Variants in IQSEC1 observed in about 807,000 individuals in gnomAD.
IQSEC1 encodes IQ motif and Sec7 domain ArfGEF 1.
In IQSEC1, 31 loss-of-function variants were observed where a neutral mutation model predicts 91.0. The observed-to-expected ratio is 0.34, with a 90% CI of 0.26 to 0.46. The LOEUF (loss-of-function observed/expected upper bound fraction) is 0.46. Among genes scored for constraint, IQSEC1 ranks in the 20% least tolerant of loss-of-function variants. The pLI is 1.00. For missense variants in IQSEC1, 1,388 were observed against 1,575.6 expected, an observed-to-expected ratio of 0.88 and a Z score of 2.02; for synonymous variants, 699 against 662.6, an observed-to-expected ratio of 1.05 and a Z score of -0.84.
At chr3:13,134,944 A>C (rs1559262021) in intron 2 of IQSEC1, among the ~76,000 whole-genome samples, 1 of 151,756 alleles carries the variant, frequency 6.6e-6, no homozygotes, top group East Asian at 1.9e-4. Flanking sequence ...GCTGTCCTAC[A>C]CTCTGCAAGG....
chr3:13,200,219 C>T (rs539740103), intron 1 of IQSEC1, among the ~76,000 whole-genome samples: 1 of 150,692 alleles, frequency 6.6e-6, no homozygotes, highest in East Asian at 2.0e-4. Context: ...TATATGCATA[C>T]ACCAGACGTG....
At chr3:13,153,491 C>T (rs1357586447) in intron 2 of IQSEC1, among the ~76,000 whole-genome samples, 1 of 152,180 alleles carries the variant, frequency 6.6e-6, no homozygotes, top group Non-Finnish European at 1.5e-5. Flanking sequence ...AAAGTGCACT[C>T]ATAGAGGGCT....
At chr3:12,915,845 G>T in intron 6 of IQSEC1, 112 bp from the exon 7 acceptor site, 1 of 1,254,146 alleles carries the variant, frequency 8.0e-7, no homozygotes, top group Non-Finnish European at 1.1e-6. Context: ...CAGAACCAAA[G>T]AACTCCCAGG....
chr3:13,232,386 G>C (rs1694853246), intron 1 of IQSEC1, among the ~76,000 whole-genome samples: 1 of 152,228 alleles, frequency 6.6e-6, no homozygotes, highest in Non-Finnish European at 1.5e-5. Context: ...CTAGGTCTCT[G>C]TCCACCTCCC....
At position 13,206,125 on chromosome 3, in the gene IQSEC1, C is replaced by T. The variant is rs939589597; in HGVS notation, c.273-41992G>A. ...TCCACCCATCTAGCTCTCCATCCAT[C>T]CACTCATCAATCCCTCCATCCACCT... On this transcript the variant is annotated intron_variant, in intron 1 of 15. Coordinates refer to the IQSEC1 transcript ENST00000648114. Among the ~76,000 whole-genome samples, 7 of 150,868 alleles carry T rather than the reference C, an allele frequency of 4.6e-5. No individual in the cohort carries two copies. The South Asian group carries it at 8.5e-4, about 18-fold the overall frequency.
At position 13,100,916 on chromosome 3, in the gene IQSEC1, A is replaced by T. The variant is rs1410183462; in HGVS notation, c.303-53394T>A. 1.3e-5 allele frequency among the ~76,000 whole-genome samples: 2 copies of T among 148,636 alleles called. 1 individual carries two copies. Among genetic ancestry groups the T allele is most frequent in the Non-Finnish European group, 3.0e-5 (2 of 67,124 alleles). ...GCTGTGAAGATGAAGAGGGGCGGCC[A>T]GGGAGGGCCTCCCCGAGAGGCAATC... is the stretch of plus-strand genomic sequence containing the variant. On this transcript the variant is annotated intron_variant, in intron 2 of 15. Coordinates refer to the IQSEC1 transcript ENST00000648114.
intron 1 of IQSEC1, among the ~76,000 whole-genome samples, chr3:13,218,224 G>A (rs1174594649): frequency 3.3e-5 from 5 of 152,168 alleles, no homozygotes; most frequent in African/African-American, 4.8e-5. Flanking sequence ...CCAGGTGTGC[G>A]AGGCCTGGGG....
Position 12,909,502 on chromosome 3 carries a change from G to A in IQSEC1, c.2417-68C>T. On this transcript the variant is annotated intron_variant, in intron 10 of 13. Transcript: ENST00000613206. This position sits in a 1 kb window ranked among gnomAD's most constrained non-coding sequence, Gnocchi z 4.9. ...TGTGTTCTCTGCAATCTCCTCTCTG[G>A]TCAGGAAACAATGGTAGGGCTGAGT... 1.4e-6 allele frequency: 2 copies of A among 1,479,718 alleles called. No homozygotes were observed. Among genetic ancestry groups the A allele is most frequent in the Non-Finnish European group, 1.9e-6 (2 of 1,074,326 alleles). The allele number at this position is 1,479,718 out of a possible 1,614,324, so 91.7% of individuals were successfully genotyped here.
chr3:12,931,741 G>A (rs1198708014), intron 3 of IQSEC1, among the ~76,000 whole-genome samples: 2 of 152,216 alleles, frequency 1.3e-5, no homozygotes, highest in Non-Finnish European at 2.9e-5. Context: ...TTCTGCAGTA[G>A]CTCCAGCAGG....
At chr3:12,964,844 C>T (rs191939979) in intron 1 of IQSEC1, among the ~76,000 whole-genome samples, 1 of 150,712 alleles carries the variant, frequency 6.6e-6, no homozygotes, top group East Asian at 1.9e-4. Context: ...CACATGCACA[C>T]ACACATATAC....
intron 1 of IQSEC1, among the ~76,000 whole-genome samples, chr3:13,267,839 G>A (rs920650933): frequency 7.2e-5 from 11 of 151,986 alleles, no homozygotes; most frequent in South Asian, 4.2e-4. Context: ...GGATGGTCTC[G>A]ATCTCCTGAC....
intron 1 of IQSEC1, among the ~76,000 whole-genome samples, chr3:12,999,786 C>G (rs1266098596): frequency 6.6e-6 from 1 of 152,242 alleles, no homozygotes; most frequent in Non-Finnish European, 1.5e-5. Flanking sequence ...AGACACTCTT[C>G]AGGGGACATT....
chr3:12,926,456 A>G (rs1357444634), intron 3 of IQSEC1, among the ~76,000 whole-genome samples: 1 of 152,244 alleles, frequency 6.6e-6, no homozygotes, highest in Non-Finnish European at 1.5e-5. Context: ...GACTGGCTCC[A>G]TGTCCCCTTG....
intron 1 of IQSEC1, among the ~76,000 whole-genome samples, chr3:12,972,014 AAAAC>A (rs56174337): frequency 0.022 from 3,238 of 148,586 alleles, 113 homozygotes; most frequent in African/African-American, 0.073. Flanking sequence ...ACTCCATCTC[AAAAC>A]AAACAAACAA....
intron 1 of IQSEC1, among the ~76,000 whole-genome samples, chr3:12,991,804 C>T (rs1702003000): frequency 1.3e-5 from 2 of 152,200 alleles, no homozygotes; most frequent in African/African-American, 2.4e-5. Flanking sequence ...GGCCTCAGCA[C>T]TCCCCTCTGG....
At chr3:13,136,751 C>T (rs1274299210) in intron 2 of IQSEC1, among the ~76,000 whole-genome samples, 1 of 152,210 alleles carries the variant, frequency 6.6e-6, no homozygotes. Flanking sequence ...AAAAATGAGA[C>T]ATCTCACAGG....
chr3:13,227,327 GATTGCGCCATT>G (rs1430442834), intron 1 of IQSEC1, among the ~76,000 whole-genome samples: 4 of 131,588 alleles, frequency 3.0e-5, no homozygotes, highest in Non-Finnish European at 6.2e-5. Context: ...CGTGAGCCGA[GATTGCGCCATT>G]GCATTCCAGC....
Position 13,193,567 on chromosome 3 carries a change from G to A in IQSEC1, c.273-29434C>T, listed in dbSNP as rs571081709. On this transcript the variant is annotated intron_variant, in intron 1 of 15. Transcript: ENST00000648114. This position sits in a 1 kb window ranked among gnomAD's most constrained non-coding sequence, Gnocchi z 4.2. ...GCCGCCAGGGTGACAGGAAGAAAGG[G>A]AGGGGAACAGAAGGTGCAGTTTAGG... 1.4e-4 allele frequency among the ~76,000 whole-genome samples: 21 copies of A among 152,284 alleles called. No homozygotes were observed. The highest frequency in any genetic ancestry group is 5.1e-4 in the African/African-American group (21 of 41,558).
chr3:13,174,173 C>T (rs1199139592), intron 1 of IQSEC1, among the ~76,000 whole-genome samples: 5 of 152,170 alleles, frequency 3.3e-5, no homozygotes, highest in Admixed American at 3.3e-4. Flanking sequence ...ATCTTGTGCA[C>T]ACAGAAGTAA....
Sources: allele counts gnomAD v4.1 joint callset (sites outside exome capture counted in the v4.1 genomes callset), GRCh38; gene constraint gnomAD v4.1.1; non-coding constraint Gnocchi (gnomAD v3.1); transcripts MANE v1.5; gene names NCBI Gene and HGNC (gene_info 2026-07-23, HGNC 2026-07-21).